Variants in STAU2 observed in about 807,000 individuals in gnomAD.
The protein encoded by STAU2 is staufen double-stranded RNA binding protein 2.
In STAU2, 20 loss-of-function variants were observed where a neutral mutation model predicts 65.9. That is an observed-to-expected ratio of 0.30 (90% CI 0.21 to 0.44). The LOEUF (loss-of-function observed/expected upper bound fraction) is 0.44, where lower values mean the gene tolerates loss of function less well. Ranked by LOEUF, STAU2 falls within the 20% of genes least tolerant of loss-of-function variation. The probability of loss-of-function intolerance (pLI) is 1.00; values close to 1 mark genes in which losing one functional copy is unlikely to be tolerated. For synonymous variants in STAU2, 232 were observed against 233.9 expected (o/e 0.99, Z 0.07); for missense variants, 558 against 683.9 (o/e 0.82, Z 2.05).
intron 13 of STAU2, among the ~76,000 whole-genome samples, chr8:73,428,869 C>A (rs919597214): frequency 2.6e-5 from 4 of 152,144 alleles, no homozygotes; most frequent in Admixed American, 6.5e-5. Flanking sequence ...TTAGCTCTTG[C>A]AAAATCTCCT....
chr8:73,464,392 T>C (rs1819536579), intron 13 of STAU2, among the ~76,000 whole-genome samples: 1 of 152,220 alleles, frequency 6.6e-6, no homozygotes, highest in South Asian at 2.1e-4. Context: ...AATATCATTT[T>C]TCAAGCTTTC....
intron 13 of STAU2, among the ~76,000 whole-genome samples, chr8:73,503,979 C>A (rs920723701): frequency 6.6e-6 from 1 of 151,848 alleles, no homozygotes; most frequent in Non-Finnish European, 1.5e-5. Flanking sequence ...AAGTAAAAGA[C>A]ATATAAAAAG....
intron 5 of STAU2, among the ~76,000 whole-genome samples, 187 bp from the exon 6 acceptor site, chr8:73,673,429 G>C (rs556011622): frequency 6.6e-6 from 1 of 152,192 alleles, no homozygotes; most frequent in Non-Finnish European, 1.5e-5. Context: ...ATAAAATCTT[G>C]GGATTTTGCA....
At chr8:73,476,502 G>C (rs1820333945) in intron 13 of STAU2, among the ~76,000 whole-genome samples, 1 of 152,050 alleles carries the variant, frequency 6.6e-6, no homozygotes, top group African/African-American at 2.4e-5. Flanking sequence ...TGTATTATGG[G>C]TAATGTACTA....
chr8:73,428,949 T>A (rs895422858), intron 13 of STAU2, among the ~76,000 whole-genome samples: 8 of 152,192 alleles, frequency 5.3e-5, no homozygotes, highest in Non-Finnish European at 1.2e-4. Context: ...CCTCCAAGAA[T>A]GTCCTAGAGT....
chr8:73,608,695 AAG>A (rs1259912872), intron 9 of STAU2, among the ~76,000 whole-genome samples: 1 of 152,004 alleles, frequency 6.6e-6, no homozygotes, highest in East Asian at 1.9e-4. Flanking sequence ...CGTAAGGGGT[AAG>A]AGAGAAGTTA....
chr8:73,698,322 CTG>C lies in STAU2; in HGVS notation c.115-9511_115-9510del, dbSNP rs367647271. ...AAGTTCCTATTTAGCAATAATAACA[CTG>C]AATGTAAATGAACTAAATTCCCCAG... is the stretch of plus-strand genomic sequence containing the variant. On this transcript the variant is annotated intron_variant, in intron 4 of 14. Coordinates refer to ENST00000524300, the MANE Select transcript of STAU2 (RefSeq NM_001164380.2). Among the ~76,000 whole-genome samples, 28 of 152,070 alleles carry C rather than the reference CTG, an allele frequency of 1.8e-4. No individual in the cohort carries two copies. In the East Asian group the frequency reaches 4.6e-3, roughly 25 times the overall value.
intron 4 of STAU2, among the ~76,000 whole-genome samples, chr8:73,707,054 C>T (rs1423328352): frequency 6.6e-6 from 1 of 152,202 alleles, no homozygotes; most frequent in East Asian, 1.9e-4. Context: ...TAGCTCTTCA[C>T]TCTTGGGAGA....
chr8:73,427,643 T>C (rs539257131), intron 13 of STAU2, among the ~76,000 whole-genome samples: 1 of 152,362 alleles, frequency 6.6e-6, no homozygotes. Flanking sequence ...CCACAGCCTG[T>C]GTCCATCAAC....
intron 6 of STAU2, among the ~76,000 whole-genome samples, chr8:73,670,070 T>C (rs10112685): frequency 0.33 from 49,501 of 152,036 alleles, 9,470 homozygotes; most frequent in African/African-American, 0.52. Flanking sequence ...ATCTACTGTG[T>C]TGAAGTGGGC....
intron 12 of STAU2, among the ~76,000 whole-genome samples, chr8:73,569,344 A>C (rs1016384006): frequency 3.3e-5 from 5 of 152,108 alleles, no homozygotes; most frequent in Non-Finnish European, 7.4e-5. Flanking sequence ...CCACAGCTCA[A>C]GGAGGCCTGC....
intron 13 of STAU2, among the ~76,000 whole-genome samples, chr8:73,482,715 C>T (rs987737045): frequency 6.6e-6 from 1 of 152,074 alleles, no homozygotes; most frequent in Admixed American, 6.6e-5. Context: ...TTAAGAATTA[C>T]TAATTGTGAC....
At chr8:73,706,263 C>T (rs1032194331) in intron 4 of STAU2, among the ~76,000 whole-genome samples, 9 of 151,926 alleles carry the variant, frequency 5.9e-5, no homozygotes, top group Admixed American at 2.6e-4. Context: ...ATTATAGTCA[C>T]GCACCACCAC....
chr8:73,556,947 A>G (rs1319875377), intron 12 of STAU2, among the ~76,000 whole-genome samples: 1 of 151,990 alleles, frequency 6.6e-6, no homozygotes, highest in African/African-American at 2.4e-5. Flanking sequence ...GTAAAAAAAA[A>G]TTGCCAATTT....
chr8:73,735,506 T>C (rs1053366877), intron 3 of STAU2, among the ~76,000 whole-genome samples: 2 of 152,206 alleles, frequency 1.3e-5, no homozygotes, highest in African/African-American at 4.8e-5. Flanking sequence ...CAAACTTCTT[T>C]TGTACCAACA....
rs1817807371 is a variant in STAU2 at position 73,673,238 on chromosome 8, A to C, written c.279T>G (p.Ser93Arg). The C allele has an allele frequency of 6.4e-7, 1 of 1,562,880 alleles. No homozygotes were observed. The highest frequency in any genetic ancestry group is 1.2e-5 in the South Asian group (1 of 82,168). ...CATTCAGTTCCACAGTTGGAGTTAT[A>C]CTGCCTGTTTAAAAAAAAAACATTA... ...PKSNVNNNPGSITPTVELNGL... is the reference protein window; with the variant it reads ...PKSNVNNNPGRITPTVELNGL... Residue 93 changes from serine to arginine, a missense_variant, in exon 6 of 15, where the codon AGT (serine) becomes AGG (arginine). Around this residue, in one of 3 missense-constraint regions of STAU2, gnomAD observed 112 missense variants for 114.2 expected, o/e 0.98. Transcript: ENST00000524300.
chr8:73,740,446 G>C (rs772386809), intron 1 of STAU2, among the ~76,000 whole-genome samples: 1 of 151,988 alleles, frequency 6.6e-6, no homozygotes, highest in Non-Finnish European at 1.5e-5. Context: ...ACTTCAAAGT[G>C]GCAAATTATA....
chr8:73,740,690 G>A (rs1347437912), intron 1 of STAU2, among the ~76,000 whole-genome samples: 1 of 151,986 alleles, frequency 6.6e-6, no homozygotes, highest in Non-Finnish European at 1.5e-5. Flanking sequence ...GTGACTTAGT[G>A]TCCCTTGCTT....
chr8:73,655,123 T>C (rs541068098), intron 6 of STAU2, among the ~76,000 whole-genome samples: 1 of 152,358 alleles, frequency 6.6e-6, no homozygotes, highest in East Asian at 1.9e-4. Flanking sequence ...GTGTTCAAAC[T>C]TGAATGCTTG....
Sources: gnomAD v4.1 joint callset for allele counts (sites outside exome capture counted in the v4.1 genomes callset) on GRCh38, gnomAD v4.1.1 for gene constraint, gnomAD v4.1.1 regional missense constraint, MANE v1.5 for transcripts, NCBI Gene and HGNC (gene_info 2026-07-23, HGNC 2026-07-21) for gene names.